The following CDKAL1 variants were observed in gnomAD, a reference collection of about 807,000 sequenced individuals.
The protein encoded by CDKAL1 is CDKAL1 threonylcarbamoyladenosine tRNA methylthiotransferase.
Under a neutral mutation model 68.2 loss-of-function variants are expected in CDKAL1, and 32 were observed. The observed-to-expected ratio is 0.47, with a 90% CI of 0.35 to 0.63. The LOEUF (loss-of-function observed/expected upper bound fraction) is 0.63, where lower values mean the gene tolerates loss of function less well. Ranked by LOEUF, CDKAL1 falls within the 30% of genes least tolerant of loss-of-function variation. The probability of loss-of-function intolerance (pLI) is 0.00; values close to 1 mark genes in which losing one functional copy is unlikely to be tolerated. For missense variants in CDKAL1, 606 were observed against 696.7 expected, an observed-to-expected ratio of 0.87 and a Z score of 1.47; for synonymous variants, 234 against 244.3, an observed-to-expected ratio of 0.96 and a Z score of 0.39.
At chr6:21,125,564 C>T (rs796519964) in intron 13 of CDKAL1, among the ~76,000 whole-genome samples, 4 of 152,098 alleles carry the variant, frequency 2.6e-5, no homozygotes, top group South Asian at 2.1e-4. Flanking sequence ...CCCAGCTACT[C>T]GGGAGGCTGA....
intron 9 of CDKAL1, among the ~76,000 whole-genome samples, chr6:20,879,423 C>A (rs375156160): frequency 8.2e-4 from 125 of 152,384 alleles, no homozygotes; most frequent in African/African-American, 2.9e-3. Context: ...TATCTCCCGC[C>A]TGTTATGTAA....
At chr6:20,958,987 T>TA (rs1309495100) in intron 10 of CDKAL1, among the ~76,000 whole-genome samples, 2 of 152,218 alleles carry the variant, frequency 1.3e-5, no homozygotes, top group African/African-American at 4.8e-5. Context: ...CGGGGAAAGA[T>TA]ACATCTATTG....
chr6:20,566,097 A>G (rs1445588283), intron 4 of CDKAL1, among the ~76,000 whole-genome samples: 1 of 152,138 alleles, frequency 6.6e-6, no homozygotes, highest in East Asian at 1.9e-4. Flanking sequence ...CTGGCTGTCC[A>G]TAATTCCAAT....
chr6:20,588,666 CA>C (rs1210549610), intron 4 of CDKAL1, among the ~76,000 whole-genome samples: 1 of 152,080 alleles, frequency 6.6e-6, no homozygotes, highest in Non-Finnish European at 1.5e-5. Flanking sequence ...GGCAGTCTTT[CA>C]AAAGTTAAGA....
At chr6:20,749,405 C>T (rs1773814825) in intron 6 of CDKAL1, among the ~76,000 whole-genome samples, 1 of 152,188 alleles carries the variant, frequency 6.6e-6, no homozygotes, top group Non-Finnish European at 1.5e-5. Context: ...TGTGCTTACT[C>T]TTCTGCCGGA....
At chr6:20,829,127 A>G (rs1352571702) in intron 8 of CDKAL1, among the ~76,000 whole-genome samples, 2 of 152,178 alleles carry the variant, frequency 1.3e-5, no homozygotes, top group Admixed American at 6.5e-5. Context: ...ATTGAGAATA[A>G]TGTTTGCTGT....
intron 11 of CDKAL1, among the ~76,000 whole-genome samples, chr6:21,062,743 G>A (rs1771211119): frequency 6.6e-6 from 1 of 152,218 alleles, no homozygotes; most frequent in Non-Finnish European, 1.5e-5. Flanking sequence ...GTGTTAAGTA[G>A]TGTGTGAAGA....
chr6:21,016,551 C>T (rs934059492), intron 11 of CDKAL1, among the ~76,000 whole-genome samples: 4 of 151,908 alleles, frequency 2.6e-5, no homozygotes, highest in Middle Eastern at 3.4e-3. Context: ...TTATGTTGGC[C>T]ACCCCCTCCT....
rs546245618 is a variant in CDKAL1 at position 21,198,361 on chromosome 6, G to A, written c.1383+257G>A. 2.7e-4 allele frequency among the ~76,000 whole-genome samples: 41 copies of A among 152,264 alleles called. 1 individual carries two copies. The highest frequency in any genetic ancestry group is 6.3e-4 in the African/African-American group (26 of 41,542). On this transcript the variant is annotated intron_variant, in intron 14 of 15. Coordinates refer to ENST00000274695, the MANE Select transcript of CDKAL1 (RefSeq NM_017774.3). Reference sequence around the variant, plus strand: ...CAGGACCAGCTTTAGGCTTTTGGGCGTTTGGAACCAGGCAATTAGCACTGC... The same window carrying A: ...CAGGACCAGCTTTAGGCTTTTGGGCATTTGGAACCAGGCAATTAGCACTGC...
intron 11 of CDKAL1, among the ~76,000 whole-genome samples, chr6:21,061,931 T>C (rs1246606398): frequency 6.6e-6 from 1 of 152,224 alleles, no homozygotes; most frequent in Non-Finnish European, 1.5e-5. Flanking sequence ...CTATTCACAG[T>C]GGCCTGCCTC....
chr6:20,998,133 C>T (rs1276757077), intron 10 of CDKAL1, among the ~76,000 whole-genome samples: 1 of 152,074 alleles, frequency 6.6e-6, no homozygotes, highest in African/African-American at 2.4e-5. Context: ...GTGAGTGCTG[C>T]CACTTTAGAA....
At chr6:21,131,961 G>A (rs541829758) in intron 13 of CDKAL1, among the ~76,000 whole-genome samples, 83 of 151,926 alleles carry the variant, frequency 5.5e-4, no homozygotes, top group African/African-American at 1.8e-3. Context: ...TTAACCATAG[G>A]AAAAAAATTT....
chr6:20,696,143 G>T (rs1771097028), intron 5 of CDKAL1, among the ~76,000 whole-genome samples: 1 of 152,234 alleles, frequency 6.6e-6, no homozygotes, highest in Non-Finnish European at 1.5e-5. Flanking sequence ...TGTCCCAAAG[G>T]CATTCCACAT....
chr6:20,934,063 A>G (rs1460052407), intron 9 of CDKAL1, among the ~76,000 whole-genome samples: 3 of 152,140 alleles, frequency 2.0e-5, no homozygotes, highest in Non-Finnish European at 4.4e-5. Flanking sequence ...TTCAAAATAG[A>G]TTTCGATTGA....
chr6:21,098,084 A>G (rs1400386629), intron 12 of CDKAL1, among the ~76,000 whole-genome samples: 2 of 152,222 alleles, frequency 1.3e-5, no homozygotes, highest in Non-Finnish European at 2.9e-5. Context: ...CTGTCTCACT[A>G]GTATGGTGCC....
intron 9 of CDKAL1, among the ~76,000 whole-genome samples, chr6:20,936,590 G>A (rs1294383547): frequency 6.6e-6 from 1 of 151,964 alleles, no homozygotes; most frequent in African/African-American, 2.4e-5. Flanking sequence ...CTTCACATGG[G>A]GCTTGGTGAC....
intron 5 of CDKAL1, among the ~76,000 whole-genome samples, chr6:20,695,750 T>C (rs1371299005): frequency 1.3e-5 from 2 of 152,212 alleles, no homozygotes; most frequent in African/African-American, 4.8e-5. Flanking sequence ...TTGTTAATTG[T>C]AGTAAAATAT....
chr6:20,580,344 T>A (rs1765091848), intron 4 of CDKAL1, among the ~76,000 whole-genome samples: 1 of 152,164 alleles, frequency 6.6e-6, no homozygotes, highest in African/African-American at 2.4e-5. Context: ...TGTGTAGGCG[T>A]TAGCTGCTGG....
At chr6:21,209,973 T>C (rs768852751) in intron 15 of CDKAL1, among the ~76,000 whole-genome samples, 8 of 152,234 alleles carry the variant, frequency 5.3e-5, no homozygotes, top group Non-Finnish European at 1.5e-5. Context: ...AGTATGACAC[T>C]GTATGCATCA....
Sources: allele counts gnomAD v4.1 joint callset (sites outside exome capture counted in the v4.1 genomes callset), GRCh38; gene constraint gnomAD v4.1.1; transcripts MANE v1.5; gene names NCBI Gene and HGNC (gene_info 2026-07-23, HGNC 2026-07-21).